NIPAL1: variants seen among roughly 807,000 people sequenced by gnomAD.
The protein encoded by NIPAL1 is magnesium transporter NIPA3.
Under a neutral mutation model 37.7 loss-of-function variants are expected in NIPAL1, and 35 were observed. The observed-to-expected ratio is 0.93, with a 90% CI of 0.71 to 1.23. NIPAL1 has a LOEUF of 1.23. Among genes scored for constraint, NIPAL1 ranks in the 50% most tolerant of loss-of-function variants. NIPAL1 has a pLI of 0.00. For synonymous variants in NIPAL1, 162 were observed against 183.0 expected, an observed-to-expected ratio of 0.89 and a Z score of 0.93; for missense variants, 412 against 473.9, an observed-to-expected ratio of 0.87 and a Z score of 1.21.
intron 4 of NIPAL1, among the ~76,000 whole-genome samples, chr4:48,034,519 C>T (rs1306412673): frequency 6.6e-6 from 1 of 152,076 alleles, no homozygotes; most frequent in African/African-American, 2.4e-5. Flanking sequence ...TTGGAAACAT[C>T]CATGGGCATA....
Position 48,036,741 on chromosome 4 carries a change from C to T in NIPAL1, c.*569C>T, listed in dbSNP as rs2090605515. 1 of 153,074 alleles carries T rather than the reference C, an allele frequency of 6.5e-6. No homozygotes were observed. The highest frequency in any genetic ancestry group is 1.5e-5 in the Non-Finnish European group (1 of 68,788). 9.5% of individuals were successfully genotyped at this position (153,074 alleles called of 1,614,324 possible). On this transcript the variant is annotated 3_prime_UTR_variant, in exon 6 of 6. Coordinates refer to ENST00000295461, the MANE Select transcript of NIPAL1 (RefSeq NM_207330.3). Reference sequence around the variant, plus strand: ...TCAGGAGTTCGAGACCACCTTGGGCCACAAGGCGAGACCCTGTCTCTACAA... The same window carrying T: ...TCAGGAGTTCGAGACCACCTTGGGCTACAAGGCGAGACCCTGTCTCTACAA...
chr4:48,032,611 C>A (rs1715846272), intron 3 of NIPAL1, among the ~76,000 whole-genome samples: 1 of 152,142 alleles, frequency 6.6e-6, no homozygotes, highest in Admixed American at 6.5e-5. Context: ...CTGTGGGTAA[C>A]CTACAAAGCT....
intron 2 of NIPAL1, among the ~76,000 whole-genome samples, chr4:48,026,736 T>C (rs958826555): frequency 5.9e-5 from 9 of 151,324 alleles, no homozygotes; most frequent in African/African-American, 4.9e-5. Flanking sequence ...TTTTTTTTTT[T>C]CAGACGGGGC....
intron 1 of NIPAL1, among the ~76,000 whole-genome samples, chr4:48,023,683 C>T (rs933763647): frequency 4.6e-5 from 7 of 152,068 alleles, no homozygotes; most frequent in Admixed American, 2.6e-4. Flanking sequence ...TAGTGTAAAA[C>T]GTTTTCATTT....
rs907390448 is a variant in NIPAL1, at chr4:48,037,279, G to A, written c.*1107G>A. On this transcript the variant is annotated 3_prime_UTR_variant, in exon 6 of 6. Coordinates refer to ENST00000295461, the MANE Select transcript of NIPAL1 (RefSeq NM_207330.3). ...CACAGACACGTGATTGTTTTCACAGGTTCCATTAATTAACTCAGGTCTGGA... is the reference window on the plus strand; with the variant it reads ...CACAGACACGTGATTGTTTTCACAGATTCCATTAATTAACTCAGGTCTGGA... 1.8e-5 allele frequency: 8 copies of A among 435,632 alleles called. No homozygotes were observed. Among genetic ancestry groups the A allele is most frequent in the African/African-American group, 1.2e-4 (6 of 48,978 alleles). 27.0% of individuals were successfully genotyped at this position (435,632 alleles called of 1,614,324 possible). A position where few individuals can be genotyped will look rare whatever the true frequency, so the allele number is the denominator to read the frequency against.
chr4:48,025,474 CT>C lies in NIPAL1; in HGVS notation c.313+142del. On this transcript the variant is annotated intron_variant, in intron 2 of 5. Transcript: ENST00000295461. ...TTTCCATATGGATGTTAGAAAAATA[CT>C]TAGGTCTTTGATTAAAATGAATAGA... 3 of 811,244 alleles carry C rather than the reference CT, an allele frequency of 3.7e-6. No individual in the cohort carries two copies. The South Asian group carries it at 5.5e-5, about 15-fold the overall frequency. The allele number at this position is 811,244 out of a possible 1,614,324, so 50.3% of individuals were successfully genotyped here.
intron 4 of NIPAL1, among the ~76,000 whole-genome samples, chr4:48,033,509 A>C (rs1715864803): frequency 6.6e-6 from 1 of 152,142 alleles, no homozygotes; most frequent in Non-Finnish European, 1.5e-5. Flanking sequence ...ACAAATTGCC[A>C]GAGTCCTGTC....
At chr4:48,032,846 C>A in intron 3 of NIPAL1, 147 bp from the exon 4 acceptor site, 1 of 548,416 alleles carries the variant, frequency 1.8e-6, no homozygotes, top group Non-Finnish European at 3.3e-6. Flanking sequence ...TATCTCCTAC[C>A]TGCTATAAAA....
In NIPAL1 at chr4:48,038,221, G is replaced by C. The variant is rs978898591; in HGVS notation, c.*2049G>C. ...TGAGTGCAATTCTAATGCATTCTAC[G>C]TTTTTGAAAATCGATAATCCATGGA... On this transcript the variant is annotated 3_prime_UTR_variant, in exon 6 of 6. Coordinates refer to ENST00000295461, the MANE Select transcript of NIPAL1 (RefSeq NM_207330.3). 7.9e-5 allele frequency: 12 copies of C among 152,156 alleles called. No homozygotes were observed. Among genetic ancestry groups the C allele is most frequent in the African/African-American group, 2.9e-4 (12 of 41,436 alleles). 9.4% of individuals were successfully genotyped at this position (152,156 alleles called of 1,614,324 possible). A position where few individuals can be genotyped will look rare whatever the true frequency, so the allele number is the denominator to read the frequency against.
intron 1 of NIPAL1, among the ~76,000 whole-genome samples, chr4:48,022,737 C>T (rs1025891784): frequency 1.3e-5 from 2 of 152,106 alleles, no homozygotes; most frequent in African/African-American, 2.4e-5. Flanking sequence ...AGATAAACAT[C>T]GTGTGGAACA....
intron 1 of NIPAL1, 34 bp from the exon 2 acceptor site, chr4:48,025,034 C>T (rs1669928830): frequency 6.3e-7 from 1 of 1,597,134 alleles, no homozygotes; most frequent in South Asian, 1.1e-5. Context: ...CTCTCCCTTT[C>T]ATTCCTGACA....
rs200923080 is a variant in NIPAL1, at chr4:48,036,212, A to G, written c.*40A>G. The G allele has an allele frequency of 2.6e-4, 396 of 1,528,444 alleles. 2 individuals are homozygous for G. In the African/African-American group the frequency reaches 4.8e-3, roughly 19 times the overall value. The allele number at this position is 1,528,444 out of a possible 1,614,324, so 94.7% of individuals were successfully genotyped here. ...CTGAGTTTTAACCAATATGAGACAC[A>G]CGAAGAGGAAAATGAATGCTTGCTT... On this transcript the variant is annotated 3_prime_UTR_variant, in exon 6 of 6. Transcript: ENST00000295461.
intron 3 of NIPAL1, among the ~76,000 whole-genome samples, chr4:48,031,121 C>G (rs914895826): frequency 6.6e-6 from 1 of 151,796 alleles, no homozygotes; most frequent in Non-Finnish European, 1.5e-5. Context: ...CTGGAGTGCA[C>G]TGGCAGGATC....
In NIPAL1 at chr4:48,034,974, T is replaced by G; in HGVS notation, c.555T>G (p.Val185=). Reference sequence around the variant, plus strand: ...GTATATTGGGGTCAACTGTGATGGTTATCCATGCCCCACAAGAAGAGGAAG... The same window carrying G: ...GTATATTGGGGTCAACTGTGATGGTGATCCATGCCCCACAAGAAGAGGAAG... ...ILSILGSTVM[V]IHAPQEEEVT... Residue 185 remains valine (V), a synonymous_variant, in exon 5 of 6, where the codon GTT becomes GTG. Coordinates refer to ENST00000295461, the MANE Select transcript of NIPAL1 (RefSeq NM_207330.3). 6.2e-7 allele frequency: 1 copy of G among 1,613,498 alleles called. No individual in the cohort carries two copies. Among genetic ancestry groups the G allele is most frequent in the Non-Finnish European group, 8.5e-7 (1 of 1,179,400 alleles).
intron 1 of NIPAL1, among the ~76,000 whole-genome samples, chr4:48,017,653 G>A (rs1318001103): frequency 1.3e-5 from 2 of 152,144 alleles, no homozygotes; most frequent in Non-Finnish European, 2.9e-5. Flanking sequence ...GTTTTCTGCA[G>A]TCTCCATACA....
At chr4:48,031,929 G>A (rs1010432250) in intron 3 of NIPAL1, among the ~76,000 whole-genome samples, 46 of 151,928 alleles carry the variant, frequency 3.0e-4, no homozygotes, top group African/African-American at 1.1e-3. Flanking sequence ...AGTAGAGATA[G>A]GGTTTCACCA....
At chr4:48,019,848 T>C (rs1238520513) in intron 1 of NIPAL1, among the ~76,000 whole-genome samples, 1 of 152,218 alleles carries the variant, frequency 6.6e-6, no homozygotes, top group Non-Finnish European at 1.5e-5. Flanking sequence ...TTTAGCCACA[T>C]CTCATACCAT....
chr4:48,031,904 A>G lies in NIPAL1; in HGVS notation c.371-1089A>G, dbSNP rs573417964. On this transcript the variant is annotated intron_variant, in intron 3 of 5. Coordinates refer to ENST00000295461, the MANE Select transcript of NIPAL1 (RefSeq NM_207330.3). Reference sequence around the variant, plus strand: ...AAAACGCTTGCCACCACACCCGGTTAGTTTTTGTATTTTTAGTAGAGATAG... The same window carrying G: ...AAAACGCTTGCCACCACACCCGGTTGGTTTTTGTATTTTTAGTAGAGATAG... Among the ~76,000 whole-genome samples the G allele has an allele frequency of 7.9e-5, 12 of 152,154 alleles. No homozygotes were observed. The East Asian group carries it at 1.9e-3, about 25-fold the overall frequency.
chr4:48,023,149 A>T (rs1294471357), intron 1 of NIPAL1, among the ~76,000 whole-genome samples: 1 of 152,006 alleles, frequency 6.6e-6, no homozygotes, highest in Non-Finnish European at 1.5e-5. Context: ...GGCTCAAGCA[A>T]ACCTCTAGCC....
Sources: gnomAD v4.1 joint callset for allele counts (sites outside exome capture counted in the v4.1 genomes callset) on GRCh38, gnomAD v4.1.1 for gene constraint, MANE v1.5 for transcripts, NCBI Gene and HGNC (gene_info 2026-07-23, HGNC 2026-07-21) for gene names.